KALRN: variants seen among roughly 807,000 people sequenced by gnomAD.
KALRN encodes kalirin RhoGEF kinase, also known as kalirin.
KALRN carries 70 observed loss-of-function variants against 353.7 expected under a neutral mutation model. That is an observed-to-expected ratio of 0.20 (90% CI 0.16 to 0.24). The LOEUF (loss-of-function observed/expected upper bound fraction) is 0.24. Among genes scored for constraint, KALRN ranks in the 10% least tolerant of loss-of-function variants. The pLI, the probability that KALRN is intolerant of heterozygous loss-of-function variation, is 1.00. For missense variants in KALRN, 2,791 were observed against 3,756.7 expected, an observed-to-expected ratio of 0.74 and a Z score of 6.72; for synonymous variants, 1,391 against 1,434.8, an observed-to-expected ratio of 0.97 and a Z score of 0.69.
Position 124,549,381 on chromosome 3 carries a change from ACAAT to A in KALRN, c.4936-13459_4936-13456del, listed in dbSNP as rs1157178245. 4.0e-5 allele frequency among the ~76,000 whole-genome samples: 6 copies of A among 151,548 alleles called. No individual in the cohort carries two copies. The East Asian group carries it at 5.8e-4, about 15-fold the overall frequency. Reference sequence around the variant, plus strand: ...CACACACACATAATCTCACACACACACAATCACACACACACACACACAAAATCTC... The same window carrying A: ...CACACACACATAATCTCACACACACACACACACACACACACACAAAATCTC... On this transcript the variant is annotated intron_variant, in intron 33 of 59. Coordinates refer to ENST00000682506, the MANE Select transcript of KALRN (RefSeq NM_001388419.1).
intron 3 of KALRN, among the ~76,000 whole-genome samples, chr3:124,263,571 T>G (rs1470763537): frequency 1.3e-5 from 2 of 151,530 alleles, no homozygotes; most frequent in African/African-American, 2.4e-5. Context: ...CCAGTGCACA[T>G]AGCGAGACCC....
chr3:124,625,810 G>A (rs2079884353), intron 34 of KALRN, among the ~76,000 whole-genome samples: 1 of 152,182 alleles, frequency 6.6e-6, no homozygotes, highest in Non-Finnish European at 1.5e-5. Context: ...GCTGGGCACG[G>A]TGGCTCACAC....
intron 10 of KALRN, among the ~76,000 whole-genome samples, chr3:124,380,302 GGGGAGAAAATTTAAAAGTAAT>G (rs2087168388): frequency 6.6e-6 from 1 of 152,194 alleles, no homozygotes; most frequent in African/African-American, 2.4e-5. Context: ...TTTCTTCCCT[GGGGAGAAAATTTAAAAGTAAT>G]GGGCCAAGGC....
chr3:124,397,594 C>G (rs1017063701), intron 12 of KALRN, among the ~76,000 whole-genome samples: 1 of 152,178 alleles, frequency 6.6e-6, no homozygotes, highest in African/African-American at 2.4e-5. Context: ...CTAGCTTACT[C>G]AAGGCCCTAT....
At chr3:124,590,469 TA>T (rs932389287) in intron 34 of KALRN, among the ~76,000 whole-genome samples, 1 of 152,100 alleles carries the variant, frequency 6.6e-6, no homozygotes, top group Non-Finnish European at 1.5e-5. Context: ...AAAATAAAAA[TA>T]AAAAAGCAAG....
chr3:124,454,334 C>T (rs1172568202), intron 21 of KALRN, among the ~76,000 whole-genome samples: 2 of 152,176 alleles, frequency 1.3e-5, no homozygotes, highest in Non-Finnish European at 2.9e-5. Context: ...GTTGGACCAG[C>T]CCTAAGCCTC....
intron 33 of KALRN, among the ~76,000 whole-genome samples, chr3:124,513,702 C>T (rs996840201): frequency 2.0e-5 from 3 of 152,144 alleles, no homozygotes; most frequent in African/African-American, 7.2e-5. Context: ...CAGAGGGTTC[C>T]CTGAGCAGAG....
chr3:124,072,751 G>A (rs2060078513), intron 1 of KALRN, among the ~76,000 whole-genome samples: 1 of 152,222 alleles, frequency 6.6e-6, no homozygotes, highest in South Asian at 2.1e-4. Flanking sequence ...TGGCTGAAAT[G>A]CGATTGTAAT....
chr3:124,604,164 A>T lies in KALRN; in HGVS notation c.5183-28256A>T, dbSNP rs943873045. 2.0e-5 allele frequency among the ~76,000 whole-genome samples: 3 copies of T among 152,028 alleles called. No homozygotes were observed. The Middle Eastern group carries it at 0.01, about 517-fold the overall frequency. On this transcript the variant is annotated intron_variant, in intron 34 of 59. Coordinates refer to ENST00000682506, the MANE Select transcript of KALRN (RefSeq NM_001388419.1). ...CACGTTTTTTTTTTTTAAATTTATT[A>T]TTATACTTTAAGTTTTAGGGTACAT...
At chr3:124,295,088 A>G (rs1488846934) in intron 5 of KALRN, among the ~76,000 whole-genome samples, 1 of 152,232 alleles carries the variant, frequency 6.6e-6, no homozygotes, top group Non-Finnish European at 1.5e-5. Flanking sequence ...AATGTAACAG[A>G]GATGACTATG....
intron 17 of KALRN, 82 bp downstream of exon 17, chr3:124,434,607 T>G (rs1459980222): frequency 1.6e-6 from 2 of 1,249,626 alleles, no homozygotes; most frequent in Non-Finnish European, 2.3e-6. Context: ...TGTGCAGTGC[T>G]TATGTCAGCG....
intron 5 of KALRN, among the ~76,000 whole-genome samples, chr3:124,278,997 T>C (rs2075072150): frequency 6.6e-6 from 1 of 152,234 alleles, no homozygotes; most frequent in African/African-American, 2.4e-5. Flanking sequence ...GTGACCTTCT[T>C]GGTCCCTGTC....
intron 1 of KALRN, among the ~76,000 whole-genome samples, chr3:124,115,850 T>TAA (rs2063408784): frequency 6.6e-6 from 1 of 152,226 alleles, no homozygotes; most frequent in Non-Finnish European, 1.5e-5. Context: ...TTCATGAATT[T>TAA]AAATTGGTTT....
At chr3:124,178,283 A>G (rs890782853) in intron 1 of KALRN, among the ~76,000 whole-genome samples, 1 of 152,222 alleles carries the variant, frequency 6.6e-6, no homozygotes, top group Non-Finnish European at 1.5e-5. Context: ...CTCTATATTC[A>G]TACCTATAAT....
intron 25 of KALRN, among the ~76,000 whole-genome samples, chr3:124,464,137 G>A (rs1008022447): frequency 6.6e-6 from 1 of 152,096 alleles, no homozygotes; most frequent in Admixed American, 6.5e-5. Context: ...TCTCCCTCAG[G>A]ATATCTGAGA....
chr3:124,303,543 A>G (rs1394898393), intron 6 of KALRN, among the ~76,000 whole-genome samples: 1 of 152,214 alleles, frequency 6.6e-6, no homozygotes, highest in Non-Finnish European at 1.5e-5. Flanking sequence ...TCATCTAACC[A>G]TCTATGTTCT....
At chr3:124,319,874 A>T (rs2079147542) in intron 6 of KALRN, among the ~76,000 whole-genome samples, 1 of 152,016 alleles carries the variant, frequency 6.6e-6, no homozygotes, top group African/African-American at 2.4e-5. Flanking sequence ...TGCGCCTGTA[A>T]TCGCAGCTAC....
At chr3:124,280,354 C>T (rs958586977) in intron 5 of KALRN, among the ~76,000 whole-genome samples, 2 of 152,194 alleles carry the variant, frequency 1.3e-5, no homozygotes, top group African/African-American at 4.8e-5. Context: ...CCTGCAGTCC[C>T]ATCTCTGTCT....
intron 8 of KALRN, among the ~76,000 whole-genome samples, chr3:124,333,913 A>T (rs2080860194): frequency 6.6e-6 from 1 of 152,100 alleles, no homozygotes; most frequent in Admixed American, 6.5e-5. Context: ...AACAAACAAA[A>T]ATTTACCAAA....
Sources: gnomAD v4.1 joint callset for allele counts (sites outside exome capture counted in the v4.1 genomes callset) on GRCh38, gnomAD v4.1.1 for gene constraint, MANE v1.5 for transcripts, NCBI Gene and HGNC (gene_info 2026-07-23, HGNC 2026-07-21) for gene names.